CD300LG: variants seen among roughly 807,000 people sequenced by gnomAD.
CD300LG encodes CMRF35-like molecule 9.
Under a neutral mutation model 31.5 loss-of-function variants are expected in CD300LG, and 29 were observed. That is an observed-to-expected ratio of 0.92 (90% confidence interval 0.68 to 1.25). CD300LG has a LOEUF of 1.25. CD300LG is among the 50% of genes most tolerant of loss of function. The pLI, the probability that CD300LG is intolerant of heterozygous loss-of-function variation, is 0.00. For missense variants in CD300LG, 396 were observed against 417.6 expected (o/e 0.95, Z 0.45); for synonymous variants, 175 against 177.2 (o/e 0.99, Z 0.10).
At chr17:43,861,216 C>T in intron 6 of CD300LG, 2 of 985,432 alleles carry the variant, frequency 2.0e-6, no homozygotes, top group South Asian at 4.7e-5. Flanking sequence ...CCCGAGCCCT[C>T]TCCCAGCCTC....
intron 6 of CD300LG, chr17:43,858,790 C>T (rs2046594308): frequency 1.2e-6 from 1 of 854,776 alleles, no homozygotes; most frequent in Admixed American, 6.2e-5. Flanking sequence ...GGATGCATTA[C>T]TTATACTTTG....
intron 3 of CD300LG, among the ~76,000 whole-genome samples, chr17:43,853,364 A>G (rs1332821337): frequency 6.6e-6 from 1 of 152,108 alleles, no homozygotes; most frequent in African/African-American, 2.4e-5. Flanking sequence ...CTGCAGAAGG[A>G]AGTCAAGGCC....
chr17:43,861,942 T>G lies in CD300LG; in HGVS notation c.*31T>G. ...GAGGCCCTCCTGGCCAGGCCAGCAG[T>G]GAAGCAGTATGGCTGGCTGGATCAG... On this transcript the variant is annotated 3_prime_UTR_variant, in exon 7 of 7. Coordinates refer to ENST00000317310, the MANE Select transcript of CD300LG (RefSeq NM_145273.4). 1.3e-6 allele frequency: 2 copies of G among 1,487,290 alleles called. No homozygotes were observed. The highest frequency in any genetic ancestry group is 2.1e-4 in the Middle Eastern group (1 of 4,718). The allele number at this position is 1,487,290 out of a possible 1,614,324, so 92.1% of individuals were successfully genotyped here.
At position 43,853,273 on chromosome 17, in the gene CD300LG, T is replaced by C. The variant is rs569613316; in HGVS notation, c.481+260T>C. Among the ~76,000 whole-genome samples, 7 of 152,170 alleles carry C rather than the reference T, an allele frequency of 4.6e-5. No individual in the cohort carries two copies. In the South Asian group the frequency reaches 1.5e-3, roughly 32 times the overall value. On this transcript the variant is annotated intron_variant, in intron 3 of 6. Coordinates refer to ENST00000317310, the MANE Select transcript of CD300LG (RefSeq NM_145273.4). ...TATTCTGTCTGCGCCATCCAGAGTC[T>C]CGGGGGCAAGCCAGAAAGGCCAGGC...
chr17:43,861,041 C>T (rs2046642750), intron 6 of CD300LG: 2 of 960,798 alleles, frequency 2.1e-6, no homozygotes, highest in Non-Finnish European at 2.5e-6. Context: ...GCCCACCCCT[C>T]CCACGTTTCC....
intron 6 of CD300LG, among the ~76,000 whole-genome samples, chr17:43,859,967 C>T (rs1196679770): frequency 6.6e-6 from 1 of 152,172 alleles, no homozygotes; most frequent in Non-Finnish European, 1.5e-5. Context: ...AATTGCTGGG[C>T]TCAAGTGGTC....
At chr17:43,847,429 G>T (rs559440638) in intron 1 of CD300LG, among the ~76,000 whole-genome samples, 170 bp downstream of exon 1, 2 of 152,182 alleles carry the variant, frequency 1.3e-5, no homozygotes, top group Non-Finnish European at 2.9e-5. Flanking sequence ...CGCCGGGGCC[G>T]CACTTGCTGT....
intron 2 of CD300LG, among the ~76,000 whole-genome samples, chr17:43,851,300 C>G (rs2046347369): frequency 2.0e-5 from 3 of 152,042 alleles, no homozygotes; most frequent in Non-Finnish European, 4.4e-5. Flanking sequence ...CAAAATACTC[C>G]AAAGTCCGAA....
intron 5 of CD300LG, 129 bp downstream of exon 5, chr17:43,855,448 T>G (rs1598398362): frequency 5.6e-6 from 3 of 531,922 alleles, no homozygotes; most frequent in East Asian, 6.5e-5. Context: ...GATATGAGCA[T>G]CAGGAGCTGT....
chr17:43,858,292 C>A (rs2046581836), intron 6 of CD300LG: 1 of 1,016,078 alleles, frequency 9.8e-7, no homozygotes, highest in South Asian at 4.1e-5. Flanking sequence ...CATGGAGACA[C>A]ACGGATGGAT....
chr17:43,849,308 C>G (rs910810166), intron 2 of CD300LG: 1 of 286,804 alleles, frequency 3.5e-6, no homozygotes, highest in Non-Finnish European at 6.5e-6. Context: ...CATTCCAGAC[C>G]CAGCCCACAG....
At chr17:43,857,002 C>A in intron 5 of CD300LG, 102 bp from the exon 6 acceptor site, 1 of 1,170,178 alleles carries the variant, frequency 8.5e-7, no homozygotes. Flanking sequence ...GAAGCCCCTG[C>A]TCCCGTGTGC....
Position 43,848,880 on chromosome 17 carries a change from G to A in CD300LG, c.366G>A (p.Leu122=). 1.2e-6 allele frequency: 2 copies of A among 1,608,002 alleles called. No individual in the cohort carries two copies. Among genetic ancestry groups the A allele is most frequent in the African/African-American group, 1.3e-5 (1 of 74,834 alleles). ...RGPDESLLIS[L]FVFPGPCCPP... ...CCGATGAGTCTTTACTGATCTCTCT[G>A]TTCGTCTTTCCAGGTAACAGATATC... The change falls in exon 2 of 7, where the codon CTG becomes CTA. Residue 122 remains leucine, a synonymous_variant. Transcript: ENST00000317310.
chr17:43,857,201 G>A, intron 6 of CD300LG, 45 bp downstream of exon 6: 1 of 1,607,714 alleles, frequency 6.2e-7, no homozygotes, highest in Non-Finnish European at 8.5e-7. Context: ...ATCCCCTTGG[G>A]GCTGGAAGTC....
chr17:43,856,004 T>C (rs1459559649), intron 5 of CD300LG, among the ~76,000 whole-genome samples: 2 of 152,312 alleles, frequency 1.3e-5, no homozygotes, highest in African/African-American at 4.8e-5. Context: ...TGCAGTGGTG[T>C]GATCATGGCT....
At position 43,848,780 on chromosome 17, in the gene CD300LG, C is replaced by T. The variant is rs774280106; in HGVS notation, c.266C>T (p.Ser89Leu). 1.9e-6 allele frequency: 3 copies of T among 1,614,148 alleles called. No individual in the cohort carries two copies. The highest frequency in any genetic ancestry group is 1.3e-5 in the African/African-American group (1 of 75,046). The change falls in exon 2 of 7, where the codon TCG becomes TTG. Residue 89 changes from serine to leucine, a missense_variant. By Grantham distance (145) the Ser-to-Leu change is moderately radical. Coordinates refer to ENST00000317310, the MANE Select transcript of CD300LG (RefSeq NM_145273.4). The stretch of plus-strand genomic sequence containing the variant: ...ATCCGTGACAGCCGCCAGGAGCTCT[C>T]GCTCATTGTGACCCTGTGGAACCTC... ...VSIRDSRQEL[S>L]LIVTLWNLTL...
At chr17:43,851,287 A>G (rs1020784151) in intron 2 of CD300LG, among the ~76,000 whole-genome samples, 2 of 152,206 alleles carry the variant, frequency 1.3e-5, no homozygotes, top group Admixed American at 6.5e-5. Context: ...TAATCCAAAA[A>G]TGCAAAATAC....
At chr17:43,854,390 G>T (rs1030779661) in intron 4 of CD300LG, among the ~76,000 whole-genome samples, 1 of 152,206 alleles carries the variant, frequency 6.6e-6, no homozygotes, top group Non-Finnish European at 1.5e-5. Flanking sequence ...GAGTCCAAAA[G>T]AAAACAATTT....
intron 5 of CD300LG, 109 bp downstream of exon 5, chr17:43,855,428 G>C: frequency 1.7e-6 from 1 of 592,886 alleles, no homozygotes; most frequent in Non-Finnish European, 2.8e-6. Flanking sequence ...GTCTCAGCGT[G>C]TCTGTCTGAG....
Sources: gnomAD v4.1 joint callset for allele counts (sites outside exome capture counted in the v4.1 genomes callset) on GRCh38, gnomAD v4.1.1 for gene constraint, MANE v1.5 for transcripts, NCBI Gene and HGNC (gene_info 2026-07-23, HGNC 2026-07-21) for gene names.